CEP83: variants seen among roughly 807,000 people sequenced by gnomAD.
The protein encoded by CEP83 is centrosomal protein of 83 kDa.
CEP83 carries 70 observed loss-of-function variants against 101.9 expected under a neutral mutation model. The observed-to-expected ratio is 0.69, with a 90% CI of 0.57 to 0.84. The LOEUF (loss-of-function observed/expected upper bound fraction) is 0.84. CEP83 is among the 40% of genes least tolerant of loss of function. CEP83 has a pLI of 0.00. For missense variants in CEP83, 715 were observed against 787.2 expected (o/e 0.91, Z 1.10); for synonymous variants, 264 against 267.9 (o/e 0.99, Z 0.14).
chr12:94,269,826 TG>T, the CEP83 span, among the ~76,000 whole-genome samples: 1 of 152,222 alleles, frequency 6.6e-6, no homozygotes, highest in Non-Finnish European at 1.5e-5. Context: ...TCATAGTTAG[TG>T]TTCTGAGCTT....
At chr12:94,284,087 G>GGAA in the CEP83 span, among the ~76,000 whole-genome samples, 137 of 82,698 alleles carry the variant, frequency 1.7e-3, no homozygotes, top group Non-Finnish European at 2.8e-3. Context: ...CATGTCAGGG[G>GGAA]AAAAAAAAAA....
At chr12:94,347,911 G>T (rs951702182) in intron 11 of CEP83, among the ~76,000 whole-genome samples, 2 of 152,002 alleles carry the variant, frequency 1.3e-5, no homozygotes, top group African/African-American at 4.8e-5. Flanking sequence ...TTTATTTTAG[G>T]TACATTAAAT....
chr12:94,366,413 G>T (rs2061030480), intron 11 of CEP83, among the ~76,000 whole-genome samples: 1 of 152,024 alleles, frequency 6.6e-6, no homozygotes, highest in African/African-American at 2.4e-5. Flanking sequence ...TAAGTTAATA[G>T]GTTTGTTTTT....
the CEP83 span, among the ~76,000 whole-genome samples, chr12:94,276,065 T>A: frequency 3.3e-5 from 5 of 152,204 alleles, no homozygotes; most frequent in Non-Finnish European, 7.3e-5. Context: ...AAGGGTGTTT[T>A]TTCTTTTGGT....
the CEP83 span, chr12:94,282,338 C>G: frequency 6.9e-5 from 111 of 1,613,894 alleles, no homozygotes; most frequent in Non-Finnish European, 9.2e-5. Context: ...TTCTGGACAT[C>G]GACAGTTCCT....
At chr12:94,301,148 T>C in the CEP83 span, 1 of 1,126,338 alleles carries the variant, frequency 8.9e-7, no homozygotes, top group South Asian at 1.5e-5. Flanking sequence ...AAACAATTGG[T>C]CTAAACTACA....
At chr12:94,409,362 T>C (rs756191203) in intron 4 of CEP83, among the ~76,000 whole-genome samples, 9 of 151,932 alleles carry the variant, frequency 5.9e-5, no homozygotes, top group Non-Finnish European at 1.3e-4. Flanking sequence ...ATTATATTTG[T>C]GAGCAAACAT....
At position 94,349,949 on chromosome 12, in the gene CEP83, G is replaced by A. The variant is rs999851302; in HGVS notation, c.1344-14285C>T. Among the ~76,000 whole-genome samples, 7 of 151,984 alleles carry A rather than the reference G, an allele frequency of 4.6e-5. No homozygotes were observed. In the South Asian group the frequency reaches 6.2e-4, roughly 14 times the overall value. On this transcript the variant is annotated intron_variant, in intron 11 of 16. Coordinates refer to ENST00000397809, the MANE Select transcript of CEP83 (RefSeq NM_016122.3). ...ACATAAAAATTAACTGAACCAAGGAGGTGAAATACTTAGAAAACTAAAAGA... is the reference window on the plus strand; with the variant it reads ...ACATAAAAATTAACTGAACCAAGGAAGTGAAATACTTAGAAAACTAAAAGA...
intron 2 of CEP83, among the ~76,000 whole-genome samples, chr12:94,433,650 C>G (rs1291149036): frequency 6.6e-6 from 1 of 151,440 alleles, no homozygotes; most frequent in Non-Finnish European, 1.5e-5. Flanking sequence ...CCACTGCACT[C>G]CAGCCTGGGT....
intron 2 of CEP83, 32 bp from the exon 3 acceptor site, chr12:94,412,623 T>C: frequency 1.6e-6 from 1 of 629,550 alleles, no homozygotes; most frequent in Non-Finnish European, 2.7e-6. Flanking sequence ...ATTACATAAT[T>C]TGCGATCAGT....
At chr12:94,307,099 A>G (rs900657689), downstream of CEP83, 1 of 152,196 alleles carries the variant, frequency 6.6e-6, no homozygotes, top group African/African-American at 2.4e-5. Context: ...AGCTTTATCT[A>G]AGTATTTACT....
chr12:94,413,819 A>AATAC (rs1209964911), intron 2 of CEP83, among the ~76,000 whole-genome samples: 10 of 134,528 alleles, frequency 7.4e-5, no homozygotes, highest in Non-Finnish European at 1.1e-4. Context: ...CTAGTCCCAT[A>AATAC]ATACATACAC....
the CEP83 span, among the ~76,000 whole-genome samples, chr12:94,299,117 A>G: frequency 3.3e-5 from 5 of 152,200 alleles, no homozygotes; most frequent in African/African-American, 1.2e-4. Flanking sequence ...TCATTTTTGC[A>G]TTAGAGAAAA....
the CEP83 span, among the ~76,000 whole-genome samples, chr12:94,276,704 C>A: frequency 2.6e-5 from 4 of 152,152 alleles, no homozygotes; most frequent in African/African-American, 9.7e-5. Flanking sequence ...GGAGAGGGCT[C>A]GGGTGTGAGG....
intron 4 of CEP83, among the ~76,000 whole-genome samples, chr12:94,408,284 C>A (rs575762423): frequency 1.3e-5 from 2 of 152,130 alleles, no homozygotes; most frequent in African/African-American, 4.8e-5. Flanking sequence ...CAATCTTTTA[C>A]AAAGAATACT....
chr12:94,313,253 T>C, intron 14 of CEP83: 1 of 269,500 alleles, frequency 3.7e-6, no homozygotes, highest in Non-Finnish European at 6.8e-6. Context: ...AAAAAAACTG[T>C]TATCAATAAT....
At chr12:94,307,679 TG>T (rs1969202338), downstream of CEP83, 6 of 96,758 alleles carry the variant, frequency 6.2e-5, no homozygotes, top group Non-Finnish European at 1.2e-4. Flanking sequence ...AACTGTGGAC[TG>T]TCTTTTTTTT....
At chr12:94,338,467 T>C (rs2059542758) in intron 11 of CEP83, among the ~76,000 whole-genome samples, 2 of 152,170 alleles carry the variant, frequency 1.3e-5, no homozygotes, top group Non-Finnish European at 2.9e-5. Flanking sequence ...ATTTCTCTTC[T>C]TGGTCTCTTG....
At chr12:94,340,414 C>G (rs1263323839) in intron 11 of CEP83, among the ~76,000 whole-genome samples, 1 of 151,772 alleles carries the variant, frequency 6.6e-6, no homozygotes, top group African/African-American at 2.4e-5. Context: ...AGCATGTGAA[C>G]TAGACCCAAA....
Sources: allele counts gnomAD v4.1 joint callset (sites outside exome capture counted in the v4.1 genomes callset), GRCh38; gene constraint gnomAD v4.1.1; transcripts MANE v1.5; gene names NCBI Gene and HGNC (gene_info 2026-07-23, HGNC 2026-07-21).